Variants in TBC1D14 observed in about 807,000 individuals in gnomAD.
The protein encoded by TBC1D14 is TBC1 domain family member 14, also known as TBC1 domain family, member 14.
A neutral mutation model predicts 79.0 loss-of-function variants in TBC1D14; 26 were observed. The observed-to-expected ratio is 0.33, with a 90% CI of 0.24 to 0.46. TBC1D14 has a LOEUF of 0.46. Among genes scored for constraint, TBC1D14 ranks in the 20% least tolerant of loss-of-function variants. The pLI, the probability that TBC1D14 is intolerant of heterozygous loss-of-function variation, is 1.00. For missense variants in TBC1D14, 769 were observed against 887.6 expected, an observed-to-expected ratio of 0.87 and a Z score of 1.70; for synonymous variants, 394 against 349.9, an observed-to-expected ratio of 1.13 and a Z score of -1.40.
chr4:6,944,568 TGTTA>T (rs1387665298), intron 2 of TBC1D14, among the ~76,000 whole-genome samples: 2 of 152,194 alleles, frequency 1.3e-5, no homozygotes, highest in Non-Finnish European at 2.9e-5. Context: ...TGGAGTTCAC[TGTTA>T]GTGAGAGCCC....
At chr4:6,987,616 A>G (rs1244554163) in intron 3 of TBC1D14, 1 of 386,596 alleles carries the variant, frequency 2.6e-6, no homozygotes, top group East Asian at 3.7e-5. Flanking sequence ...CACGTTTACT[A>G]GGACGACGAG....
intron 13 of TBC1D14, among the ~76,000 whole-genome samples, chr4:7,028,618 G>A (rs993463647): frequency 1.3e-5 from 2 of 152,022 alleles, no homozygotes; most frequent in Non-Finnish European, 2.9e-5. Context: ...GTAGAGACGG[G>A]GTTTCACCAC....
At chr4:7,027,348 C>A (rs1257823515) in intron 13 of TBC1D14, among the ~76,000 whole-genome samples, 1 of 140,822 alleles carries the variant, frequency 7.1e-6, no homozygotes, top group East Asian at 2.2e-4. Context: ...CACACAATCA[C>A]CTCCACGCAC....
At chr4:7,013,439 G>A (rs1411853359) in intron 11 of TBC1D14, among the ~76,000 whole-genome samples, 7 of 152,274 alleles carry the variant, frequency 4.6e-5, no homozygotes, top group Admixed American at 4.6e-4. Flanking sequence ...CACTGGAGCA[G>A]AACTGGGCCA....
intron 9 of TBC1D14, among the ~76,000 whole-genome samples, chr4:7,008,663 G>A (rs538172976): frequency 1.3e-5 from 2 of 152,218 alleles, no homozygotes; most frequent in South Asian, 4.1e-4. Flanking sequence ...AGCCCACCTC[G>A]GCCTCCCAAA....
chr4:6,957,657 G>A (rs539472366), intron 2 of TBC1D14, among the ~76,000 whole-genome samples: 29 of 152,312 alleles, frequency 1.9e-4, no homozygotes, highest in African/African-American at 7.0e-4. Context: ...TTTTATCTTA[G>A]AAAGTTAGAG....
intron 1 of TBC1D14, among the ~76,000 whole-genome samples, chr4:6,922,239 A>G (rs6446550): frequency 0.27 from 41,507 of 151,854 alleles, 5,864 homozygotes; most frequent in Admixed American, 0.32. Context: ...AGTCTTCTGT[A>G]GAGACAGGGT....
chr4:7,010,860 G>A (rs1720693264), intron 11 of TBC1D14, 79 bp downstream of exon 11: 8 of 1,479,304 alleles, frequency 5.4e-6, no homozygotes, highest in Admixed American at 2.1e-5. Flanking sequence ...TGTTTTCGGT[G>A]GAAAAAAAGA....
At chr4:6,925,326 C>G (rs935814955) in intron 2 of TBC1D14, among the ~76,000 whole-genome samples, 3 of 152,134 alleles carry the variant, frequency 2.0e-5, no homozygotes, top group African/African-American at 7.2e-5. Context: ...CTTTGGAGGG[C>G]TCTGGGGCCG....
rs1043947711 is a variant in TBC1D14 at position 7,001,362 on chromosome 4, TGA to T, written c.1270+116_1270+117del. On this transcript the variant is annotated intron_variant, in intron 7 of 13. Coordinates refer to ENST00000409757, the MANE Select transcript of TBC1D14 (RefSeq NM_020773.3). ...GCCATTGCCACGAATCTGTGTCTTT[TGA>T]GAGACCAGGAGACTGTGTCCTTCAG... is the stretch of plus-strand genomic sequence containing the variant. 14 of 914,520 alleles carry T rather than the reference TGA, an allele frequency of 1.5e-5. No homozygotes were observed. In the African/African-American group the frequency reaches 2.3e-4, roughly 15 times the overall value. The allele number at this position is 914,520 out of a possible 1,614,324, so 56.7% of individuals were successfully genotyped here. A position where few individuals can be genotyped will look rare whatever the true frequency, so the allele number is the denominator to read the frequency against.
chr4:6,923,376 C>A lies in TBC1D14; in HGVS notation c.-14C>A, dbSNP rs1724014986. 2 of 1,573,392 alleles carry A rather than the reference C, an allele frequency of 1.3e-6. No homozygotes were observed. ...TCCATGTTTGTGTTTTTTCTAGTTTCTCCTTGGACCAAGATGACTGATGGA... is the reference window on the plus strand; with the variant it reads ...TCCATGTTTGTGTTTTTTCTAGTTTATCCTTGGACCAAGATGACTGATGGA... On this transcript the variant is annotated 5_prime_UTR_variant, in exon 2 of 14. Coordinates refer to ENST00000409757, the MANE Select transcript of TBC1D14 (RefSeq NM_020773.3).
At position 6,982,015 on chromosome 4, in the gene TBC1D14, T is replaced by C. The variant is rs188514522; in HGVS notation, c.844-12169T>C. On this transcript the variant is annotated intron_variant, in intron 3 of 13. Coordinates refer to ENST00000409757, the MANE Select transcript of TBC1D14 (RefSeq NM_020773.3). ...TCAACATTGTATCGGAAGTCCTAGCTGGTACCTTGCTTGTGGTAATGCACA... is the reference window on the plus strand; with the variant it reads ...TCAACATTGTATCGGAAGTCCTAGCCGGTACCTTGCTTGTGGTAATGCACA... 6.7e-4 allele frequency among the ~76,000 whole-genome samples: 102 copies of C among 152,356 alleles called. 1 individual carries two copies. The highest frequency in any genetic ancestry group is 3.4e-3 in the Middle Eastern group (1 of 294).
intron 2 of TBC1D14, among the ~76,000 whole-genome samples, chr4:6,930,829 G>C (rs1001686774): frequency 2.0e-5 from 3 of 150,910 alleles, no homozygotes; most frequent in African/African-American, 7.3e-5. Context: ...AGGGGTCTCA[G>C]TGATTTCGGA....
At chr4:7,005,918 C>A (rs954255420) in intron 8 of TBC1D14, among the ~76,000 whole-genome samples, 1 of 152,184 alleles carries the variant, frequency 6.6e-6, no homozygotes, top group African/African-American at 2.4e-5. Context: ...TAGAATTCTC[C>A]ATAACACACA....
chr4:7,016,961 C>A (rs747260068), intron 12 of TBC1D14, among the ~76,000 whole-genome samples: 69 of 152,170 alleles, frequency 4.5e-4, no homozygotes, highest in Non-Finnish European at 7.2e-4. Context: ...ACCCTTGGAA[C>A]AACCTCTCCA....
intron 1 of TBC1D14, among the ~76,000 whole-genome samples, chr4:6,919,893 A>G (rs887154137): frequency 2.4e-4 from 36 of 152,350 alleles, no homozygotes; most frequent in African/African-American, 8.2e-4. Context: ...TACTGGGATT[A>G]CAGGCGTGAG....
intron 2 of TBC1D14, among the ~76,000 whole-genome samples, chr4:6,924,899 G>C (rs1381644970): frequency 3.3e-5 from 5 of 152,152 alleles, no homozygotes; most frequent in African/African-American, 1.2e-4. Flanking sequence ...TGGCCTGGGG[G>C]TGGTGGGAGT....
At chr4:6,919,049 C>G (rs930425495) in intron 1 of TBC1D14, among the ~76,000 whole-genome samples, 1 of 152,040 alleles carries the variant, frequency 6.6e-6, no homozygotes, top group African/African-American at 2.4e-5. Flanking sequence ...AACGTGTTCA[C>G]GCGTAGGGAG....
At position 6,923,863 on chromosome 4, in the gene TBC1D14, C is replaced by A; in HGVS notation, c.474C>A (p.Ser158Arg). 6.2e-7 allele frequency: 1 copy of A among 1,614,164 alleles called. No homozygotes were observed. The highest frequency in any genetic ancestry group is 8.5e-7 in the Non-Finnish European group (1 of 1,180,044). The change falls in exon 2 of 14, where the codon AGC (serine) becomes AGA (arginine). Residue 158 changes from serine to arginine, a missense_variant. Physicochemically the swap from Ser to Arg is moderately radical, Grantham distance 110. Coordinates refer to ENST00000409757, the MANE Select transcript of TBC1D14 (RefSeq NM_020773.3). ...GCAGCGATGATGTCTCCGTCTGCAG[C>A]GTGTCCAGTCTTGGGACAGAGCTGT... ...LTRSDDVSVCSVSSLGTELST... is the reference protein window; with the variant it reads ...LTRSDDVSVCRVSSLGTELST...
Sources: gnomAD v4.1 joint callset for allele counts (sites outside exome capture counted in the v4.1 genomes callset) on GRCh38, gnomAD v4.1.1 for gene constraint, MANE v1.5 for transcripts, NCBI Gene and HGNC (gene_info 2026-07-23, HGNC 2026-07-21) for gene names.